ZRANB1: variants seen among roughly 807,000 people sequenced by gnomAD.
The protein encoded by ZRANB1 is ubiquitin thioesterase ZRANB1.
ZRANB1 carries 16 observed loss-of-function variants against 80.5 expected under a neutral mutation model. The ratio of observed to expected loss-of-function variants is 0.20; its 90% CI spans 0.13 to 0.30. ZRANB1 has a LOEUF of 0.30. ZRANB1 is among the 10% of genes least tolerant of loss of function. ZRANB1 has a pLI of 1.00. For synonymous variants in ZRANB1, 291 were observed against 293.1 expected, an observed-to-expected ratio of 0.99 and a Z score of 0.07; for missense variants, 576 against 862.6, an observed-to-expected ratio of 0.67 and a Z score of 4.16.
At chr10:124,963,628 A>T (rs2134277444) in intron 1 of ZRANB1, among the ~76,000 whole-genome samples, 1 of 141,340 alleles carries the variant, frequency 7.1e-6, no homozygotes, top group Non-Finnish European at 1.5e-5. Flanking sequence ...AGTAGAAAAC[A>T]TGCGGTGGCT....
At chr10:124,932,112 G>A in the ZRANB1 span, among the ~76,000 whole-genome samples, 2,326 of 152,026 alleles carry the variant, frequency 0.015, 66 homozygotes, top group African/African-American at 0.053. Context: ...ATGCATTTAA[G>A]GTTCATCCAT....
chr10:124,934,773 C>A, the ZRANB1 span, among the ~76,000 whole-genome samples: 1 of 152,108 alleles, frequency 6.6e-6, no homozygotes, highest in Non-Finnish European at 1.5e-5. Flanking sequence ...TTTAAATTAT[C>A]ATGAAGTAGA....
chr10:124,934,354 C>G, the ZRANB1 span, among the ~76,000 whole-genome samples: 1 of 152,160 alleles, frequency 6.6e-6, no homozygotes, highest in Non-Finnish European at 1.5e-5. Flanking sequence ...AATGCCAGCT[C>G]ATTTTTGAGA....
the ZRANB1 span, chr10:124,917,231 G>GGGAGGAGGAGCAGGAGCT: frequency 1.2e-4 from 21 of 170,018 alleles, no homozygotes; most frequent in African/African-American, 4.4e-4. Context: ...CCGTCGGACG[G>GGGAGGAGGAGCAGGAGCT]GGAGGAGGAG....
chr10:124,975,351 G>C (rs568412411), intron 5 of ZRANB1, among the ~76,000 whole-genome samples: 1 of 152,288 alleles, frequency 6.6e-6, no homozygotes, highest in African/African-American at 2.4e-5. Flanking sequence ...TAGACATCAT[G>C]ATGCTTTACC....
At chr10:124,959,858 G>C (rs1951719377) in intron 1 of ZRANB1, among the ~76,000 whole-genome samples, 1 of 151,914 alleles carries the variant, frequency 6.6e-6, no homozygotes, top group South Asian at 2.1e-4. Context: ...TGAGATGGCA[G>C]ACCAGTAGAG....
chr10:124,975,887 A>T (rs1951872726), intron 5 of ZRANB1, among the ~76,000 whole-genome samples: 1 of 152,202 alleles, frequency 6.6e-6, no homozygotes, highest in African/African-American at 2.4e-5. Flanking sequence ...CTATAATCCC[A>T]GCTATTCAGG....
chr10:124,972,257 A>G (rs1339133145), intron 3 of ZRANB1, 139 bp downstream of exon 3: 2 of 761,198 alleles, frequency 2.6e-6, no homozygotes, highest in Non-Finnish European at 4.0e-6. Flanking sequence ...ACTGTCTTAT[A>G]TATGCTGGAA....
chr10:124,929,627 C>T, the ZRANB1 span, among the ~76,000 whole-genome samples: 17 of 151,592 alleles, frequency 1.1e-4, no homozygotes, highest in Non-Finnish European at 1.6e-4. Context: ...TGTGAGCCAC[C>T]GCGCCTGGCC....
the ZRANB1 span, among the ~76,000 whole-genome samples, chr10:124,928,314 T>C: frequency 5.9e-5 from 9 of 152,276 alleles, no homozygotes; most frequent in East Asian, 1.7e-3. Context: ...AAAGGCACTC[T>C]TAGCACTTGA....
chr10:124,923,390 G>C, the ZRANB1 span, among the ~76,000 whole-genome samples: 1 of 151,424 alleles, frequency 6.6e-6, no homozygotes, highest in Non-Finnish European at 1.5e-5. Context: ...TCAGGAGTTC[G>C]AGACCAACCT....
At position 124,942,377 on chromosome 10, in the gene ZRANB1, T is replaced by G; in HGVS notation, c.-117T>G. 6.7e-7 allele frequency: 1 copy of G among 1,496,594 alleles called. No homozygotes were observed. Among genetic ancestry groups the G allele is most frequent in the South Asian group, 1.4e-5 (1 of 73,262 alleles). The allele number at this position is 1,496,594 out of a possible 1,614,324, so 92.7% of individuals were successfully genotyped here. On this transcript the variant is annotated 5_prime_UTR_variant, in exon 1 of 9. An upstream open reading frame in the 5' UTR loses its in-frame stop. Coordinates refer to ENST00000359653, the MANE Select transcript of ZRANB1 (RefSeq NM_017580.3). ...TTTGAGAAATTTATATTTTGTAGGT[T>G]GAAGGACTTGCTTTTTGGGCAGCGT...
chr10:124,963,882 A>C (rs887343785), intron 1 of ZRANB1, among the ~76,000 whole-genome samples: 8 of 152,190 alleles, frequency 5.3e-5, no homozygotes, highest in African/African-American at 1.9e-4. Flanking sequence ...GTATTCCCCA[A>C]ACACTAGATA....
At position 124,942,741 on chromosome 10, in the gene ZRANB1, A is replaced by G. The variant is rs748116899; in HGVS notation, c.248A>G (p.Glu83Gly). Residue 83 changes from glutamate to glycine, a missense_variant, in exon 1 of 9, where the codon GAA becomes GGA. Glu to Gly is a moderately conservative substitution (Grantham distance 98). Transcript: ENST00000359653. Reference sequence around the variant, plus strand: ...AGGGTGAAATCTTCGTATAGCATGGAAAATGCAAATAAGTGGTCATGCCAC... The same window carrying G: ...AGGGTGAAATCTTCGTATAGCATGGGAAATGCAAATAAGTGGTCATGCCAC... ...RPRVKSSYSM[E>G]NANKWSCHMC... is the part of the protein sequence containing the mutation. 6.2e-7 allele frequency: 1 copy of G among 1,614,106 alleles called. No homozygotes were observed. Among genetic ancestry groups the G allele is most frequent in the African/African-American group, 1.3e-5 (1 of 74,936 alleles).
chr10:124,961,142 C>G (rs909697996), intron 1 of ZRANB1, among the ~76,000 whole-genome samples: 9 of 152,030 alleles, frequency 5.9e-5, no homozygotes, highest in Admixed American at 4.6e-4. Flanking sequence ...GCTGAGATGA[C>G]AGGCGCACGC....
upstream of ZRANB1, among the ~76,000 whole-genome samples, chr10:124,938,432 T>A (rs1204061038): frequency 6.6e-6 from 1 of 152,018 alleles, no homozygotes; most frequent in Non-Finnish European, 1.5e-5. Context: ...GCTGAAGCGA[T>A]CCTCCTGCCT....
At chr10:124,964,663 T>C (rs908537547) in intron 1 of ZRANB1, among the ~76,000 whole-genome samples, 11 of 152,194 alleles carry the variant, frequency 7.2e-5, no homozygotes, top group Admixed American at 2.0e-4. Context: ...ACTCTTGGGT[T>C]GTTTTTGGAA....
At chr10:124,948,800 A>G (rs1028906508) in intron 1 of ZRANB1, among the ~76,000 whole-genome samples, 2 of 152,348 alleles carry the variant, frequency 1.3e-5, no homozygotes, top group South Asian at 4.1e-4. Context: ...TCAAAGCTGT[A>G]TCTTAGTATG....
chr10:124,960,940 G>A (rs1221983132), intron 1 of ZRANB1, among the ~76,000 whole-genome samples: 1 of 151,900 alleles, frequency 6.6e-6, no homozygotes, highest in Non-Finnish European at 1.5e-5. Context: ...ATGTGGTTTT[G>A]GCATACACTA....
Sources: allele counts gnomAD v4.1 joint callset (sites outside exome capture counted in the v4.1 genomes callset), GRCh38; gene constraint gnomAD v4.1.1; transcripts MANE v1.5; gene names NCBI Gene and HGNC (gene_info 2026-07-23, HGNC 2026-07-21).